DDAH1: variants seen among roughly 807,000 people sequenced by gnomAD.
The protein encoded by DDAH1 is dimethylarginine dimethylaminohydrolase 1, also known as N(G),N(G)-dimethylarginine dimethylaminohydrolase 1.
In DDAH1, 19 loss-of-function variants were observed where a neutral mutation model predicts 28.8. The observed-to-expected ratio is 0.66, with a 90% confidence interval of 0.46 to 0.97. The LOEUF (loss-of-function observed/expected upper bound fraction) is 0.97. Ranked by LOEUF, DDAH1 falls within the 50% of genes least tolerant of loss-of-function variation. The pLI is 0.00. For synonymous variants in DDAH1, 153 were observed against 154.4 expected (o/e 0.99, Z 0.07); for missense variants, 326 against 375.9 (o/e 0.87, Z 1.10).
At chr1:85,522,326 A>G (rs1459884044) in intron 1 of DDAH1, among the ~76,000 whole-genome samples, 2 of 69,550 alleles carry the variant, frequency 2.9e-5, no homozygotes, top group African/African-American at 5.8e-5. Context: ...TTGAATCATA[A>G]AAATTCCATG....
chr1:85,464,519 T>G lies in DDAH1; in HGVS notation c.303+224A>C. ...ACCTGCCCGAGACCGTACAACCACATTGAATCGGATCCTCCAGAAGGCTGC... is the reference window on the plus strand; with the variant it reads ...ACCTGCCCGAGACCGTACAACCACAGTGAATCGGATCCTCCAGAAGGCTGC... On this transcript the variant is annotated intron_variant, in intron 1 of 5. Coordinates refer to ENST00000284031, the MANE Select transcript of DDAH1 (RefSeq NM_012137.4). The surrounding 1 kb of genome is among the most constrained non-coding windows in gnomAD (Gnocchi z 4.4). 2 of 1,480,848 alleles carry G rather than the reference T, an allele frequency of 1.4e-6. No homozygotes were observed. The highest frequency in any genetic ancestry group is 1.8e-6 in the Non-Finnish European group (2 of 1,113,716). The allele number at this position is 1,480,848 out of a possible 1,614,324, so 91.7% of individuals were successfully genotyped here.
chr1:85,319,203 G>A lies in DDAH1; in HGVS notation c.*2249C>T, dbSNP rs1375139898. On this transcript the variant is annotated 3_prime_UTR_variant, in exon 6 of 6. Transcript: ENST00000284031. ...TCATCAATCATATAGGGAGTCCAAAGAAGCCAGCCTAGCAGGTAACATAGC... is the reference window on the plus strand; with the variant it reads ...TCATCAATCATATAGGGAGTCCAAAAAAGCCAGCCTAGCAGGTAACATAGC... 6.6e-6 allele frequency: 1 copy of A among 152,176 alleles called. No homozygotes were observed. Among genetic ancestry groups the A allele is most frequent in the African/African-American group, 2.4e-5 (1 of 41,440 alleles). The allele number at this position is 152,176 out of a possible 1,614,324, so 9.4% of individuals were successfully genotyped here.
intron 1 of DDAH1, among the ~76,000 whole-genome samples, chr1:85,401,919 C>T (rs1652129593): frequency 1.3e-5 from 2 of 152,110 alleles, no homozygotes; most frequent in Non-Finnish European, 2.9e-5. Context: ...TAAAAGAAAA[C>T]ATTTTCAAAA....
At chr1:85,452,401 T>C (rs905920618) in intron 1 of DDAH1, among the ~76,000 whole-genome samples, 1 of 152,184 alleles carries the variant, frequency 6.6e-6, no homozygotes. Flanking sequence ...TTGCAACCTA[T>C]AGCATAAGAG....
intron 1 of DDAH1, among the ~76,000 whole-genome samples, chr1:85,369,002 T>C (rs1338137853): frequency 2.0e-5 from 3 of 151,288 alleles, no homozygotes; most frequent in East Asian, 3.9e-4. Context: ...CAAATGTAGG[T>C]CCTGGCTGGG....
intron 1 of DDAH1, among the ~76,000 whole-genome samples, chr1:85,394,729 G>C (rs2100562453): frequency 6.6e-6 from 1 of 152,248 alleles, no homozygotes; most frequent in East Asian, 1.9e-4. Flanking sequence ...TAATTTTTAA[G>C]AACAAGTAAA....
intron 1 of DDAH1, among the ~76,000 whole-genome samples, chr1:85,506,601 T>C (rs1198298055): frequency 6.6e-6 from 1 of 152,180 alleles, no homozygotes; most frequent in Non-Finnish European, 1.5e-5. Flanking sequence ...CAGCCCTCTA[T>C]GCGGGCATTT....
intron 1 of DDAH1, among the ~76,000 whole-genome samples, chr1:85,418,195 A>C (rs1652969637): frequency 6.6e-6 from 1 of 152,238 alleles, no homozygotes; most frequent in Non-Finnish European, 1.5e-5. Flanking sequence ...CATTTGATTC[A>C]GCAGGAGGCT....
At chr1:85,531,065 T>C (rs1658077627) in intron 1 of DDAH1, among the ~76,000 whole-genome samples, 2 of 150,428 alleles carry the variant, frequency 1.3e-5, no homozygotes, top group South Asian at 2.1e-4. Flanking sequence ...AATCTGAGTG[T>C]ATATACAATA....
chr1:85,382,752 G>T (rs1570463083), intron 1 of DDAH1, among the ~76,000 whole-genome samples: 1 of 152,182 alleles, frequency 6.6e-6, no homozygotes, highest in East Asian at 1.9e-4. Context: ...TTAAATTAAA[G>T]CCAATGCTCA....
Position 85,465,068 on chromosome 1 carries a change from G to A in DDAH1, c.-23C>T, listed in dbSNP as rs1316663537. ...CATGGCTTCGGGAGGCTTAGGGGCG[G>A]CGGCGGCGGCGGAGGCGGCCGGGTC... is the stretch of plus-strand genomic sequence containing the variant. On this transcript the variant is annotated 5_prime_UTR_variant, in exon 1 of 6. Coordinates refer to ENST00000284031, the MANE Select transcript of DDAH1 (RefSeq NM_012137.4). 1.6e-6 allele frequency: 2 copies of A among 1,226,260 alleles called. No individual in the cohort carries two copies. The highest frequency in any genetic ancestry group is 4.0e-5 in the South Asian group (1 of 25,154). The allele number at this position is 1,226,260 out of a possible 1,614,324, so 76.0% of individuals were successfully genotyped here.
At chr1:85,392,488 G>A (rs1393442881) in intron 1 of DDAH1, among the ~76,000 whole-genome samples, 1 of 152,102 alleles carries the variant, frequency 6.6e-6, no homozygotes, top group African/African-American at 2.4e-5. Context: ...GTGCTGCTGA[G>A]CTCTTGTTAG....
intron 1 of DDAH1, among the ~76,000 whole-genome samples, chr1:85,374,588 T>C (rs1175078092): frequency 6.6e-6 from 1 of 152,076 alleles, no homozygotes. Flanking sequence ...TATAGATAAG[T>C]CAAATAGAAC....
At chr1:85,344,458 C>T (rs1648712547) in intron 4 of DDAH1, among the ~76,000 whole-genome samples, 1 of 152,216 alleles carries the variant, frequency 6.6e-6, no homozygotes, top group Admixed American at 6.5e-5. Context: ...CCGGTCAGTG[C>T]TGCAGTCCCT....
intron 2 of DDAH1, among the ~76,000 whole-genome samples, chr1:85,490,137 G>T (rs1233933778): frequency 1.3e-5 from 2 of 152,202 alleles, no homozygotes; most frequent in South Asian, 2.1e-4. Flanking sequence ...GACTAGGGAA[G>T]AATTTAGTGC....
intron 1 of DDAH1, among the ~76,000 whole-genome samples, chr1:85,359,994 T>C (rs1292138208): frequency 6.6e-6 from 1 of 152,166 alleles, no homozygotes; most frequent in Non-Finnish European, 1.5e-5. Context: ...AGTAAAGACA[T>C]ACAATGAGAT....
chr1:85,510,620 A>T (rs1360053695), intron 1 of DDAH1, among the ~76,000 whole-genome samples: 7 of 152,234 alleles, frequency 4.6e-5, no homozygotes, highest in Admixed American at 3.9e-4. Flanking sequence ...ACCTGCAAAG[A>T]TGCACATAGA....
chr1:85,507,523 T>C (rs61785200), intron 1 of DDAH1, among the ~76,000 whole-genome samples: 5 of 82,188 alleles, frequency 6.1e-5, no homozygotes, highest in East Asian at 6.2e-4. Context: ...AATAAATAAA[T>C]AAATAAACAA....
chr1:85,338,822 T>C (rs1343529033), intron 4 of DDAH1, among the ~76,000 whole-genome samples: 1 of 151,808 alleles, frequency 6.6e-6, no homozygotes, highest in East Asian at 1.9e-4. Flanking sequence ...GGGGGATCAT[T>C]TGAGGTCAGG....
Sources: allele counts gnomAD v4.1 joint callset (sites outside exome capture counted in the v4.1 genomes callset), GRCh38; gene constraint gnomAD v4.1.1; non-coding constraint Gnocchi (gnomAD v3.1); transcripts MANE v1.5; gene names NCBI Gene and HGNC (gene_info 2026-07-23, HGNC 2026-07-21).